KCNN2: variants seen among roughly 807,000 people sequenced by gnomAD.
KCNN2 encodes potassium calcium-activated channel subfamily N member 2, also known as small conductance calcium-activated potassium channel protein 2.
In KCNN2, 24 loss-of-function variants were observed where a neutral mutation model predicts 55.5. That is an observed-to-expected ratio of 0.43 (90% CI 0.31 to 0.61). KCNN2 has a LOEUF of 0.61. Ranked by LOEUF, KCNN2 falls within the 20% of genes least tolerant of loss-of-function variation. The pLI, the probability that KCNN2 is intolerant of heterozygous loss-of-function variation, is 0.08. For missense variants in KCNN2, 754 were observed against 853.6 expected, an observed-to-expected ratio of 0.88 and a Z score of 1.45; for synonymous variants, 431 against 336.1, an observed-to-expected ratio of 1.28 and a Z score of -3.09.
intron 2 of KCNN2, among the ~76,000 whole-genome samples, chr5:114,257,945 T>A (rs11745648): frequency 0.36 from 54,898 of 152,052 alleles, 10,638 homozygotes; most frequent in Middle Eastern, 0.54. Flanking sequence ...TGCTTCCAGC[T>A]TTTCTCCATT....
intron 1 of KCNN2, among the ~76,000 whole-genome samples, chr5:114,099,942 G>A (rs1215929156): frequency 1.3e-5 from 2 of 151,762 alleles, no homozygotes; most frequent in Non-Finnish European, 1.5e-5. Context: ...TTGTACTTTT[G>A]TATGAACTCC....
intron 1 of KCNN2, among the ~76,000 whole-genome samples, chr5:114,057,642 G>C (rs1750239953): frequency 1.3e-5 from 2 of 152,012 alleles, no homozygotes; most frequent in African/African-American, 4.8e-5. Flanking sequence ...TTCAGGTAGT[G>C]GTAGATACTA....
intron 4 of KCNN2, among the ~76,000 whole-genome samples, chr5:114,468,080 C>G (rs1439628347): frequency 1.3e-5 from 2 of 152,158 alleles, no homozygotes; most frequent in Non-Finnish European, 2.9e-5. Context: ...TCTTTTCTTA[C>G]AATGAGGACA....
At chr5:114,357,071 C>A (rs1383581483), upstream of KCNN2, among the ~76,000 whole-genome samples, 4 of 151,998 alleles carry the variant, frequency 2.6e-5, no homozygotes, top group Non-Finnish European at 5.9e-5. Context: ...CTTTGTAGGT[C>A]AAAATTTTCC....
intron 1 of KCNN2, among the ~76,000 whole-genome samples, chr5:114,176,042 T>C (rs1442510157): frequency 6.6e-6 from 1 of 152,220 alleles, no homozygotes; most frequent in East Asian, 1.9e-4. Flanking sequence ...TGTTGCCTGA[T>C]AATTTCTCAA....
intron 1 of KCNN2, among the ~76,000 whole-genome samples, chr5:114,095,811 T>A (rs1470480499): frequency 1.3e-5 from 2 of 151,186 alleles, no homozygotes; most frequent in East Asian, 1.9e-4. Context: ...CCCAATAATT[T>A]TTTTTGACTT....
intron 2 of KCNN2, among the ~76,000 whole-genome samples, chr5:114,266,833 C>A (rs1237100091): frequency 2.0e-5 from 3 of 152,156 alleles, no homozygotes; most frequent in Non-Finnish European, 2.9e-5. Flanking sequence ...CAGTTCCCAC[C>A]AGCATCTCCT....
At chr5:114,300,599 T>A (rs1756134617) in intron 2 of KCNN2, among the ~76,000 whole-genome samples, 1 of 152,204 alleles carries the variant, frequency 6.6e-6, no homozygotes, top group African/African-American at 2.4e-5. Context: ...AGAAGTTTGA[T>A]AAGAAGAAGA....
At chr5:114,167,032 C>G (rs899078584) in intron 1 of KCNN2, among the ~76,000 whole-genome samples, 1 of 152,156 alleles carries the variant, frequency 6.6e-6, no homozygotes, top group Admixed American at 6.6e-5. Flanking sequence ...TTCTGTTAAG[C>G]CATCTAGTCT....
At chr5:114,465,364 A>G (rs1399500220) in intron 4 of KCNN2, among the ~76,000 whole-genome samples, 2 of 152,142 alleles carry the variant, frequency 1.3e-5, no homozygotes, top group South Asian at 2.1e-4. Context: ...TGTAATCCCA[A>G]CACTTTGGGA....
intron 3 of KCNN2, among the ~76,000 whole-genome samples, chr5:114,405,174 T>C (rs1758893471): frequency 6.6e-6 from 1 of 152,250 alleles, no homozygotes. Flanking sequence ...AATGGTAATA[T>C]TGAGTCATTT....
intron 1 of KCNN2, among the ~76,000 whole-genome samples, chr5:114,058,178 G>T (rs1419964233): frequency 6.6e-6 from 1 of 152,114 alleles, no homozygotes; most frequent in Admixed American, 6.5e-5. Flanking sequence ...AGCTAGTGAT[G>T]AATACAAGCT....
At chr5:114,124,470 C>T (rs771970846) in intron 1 of KCNN2, among the ~76,000 whole-genome samples, 1 of 152,036 alleles carries the variant, frequency 6.6e-6, no homozygotes, top group African/African-American at 2.4e-5. Flanking sequence ...CATGATCTGC[C>T]CCCCCTGGAA....
At chr5:114,231,224 T>A in intron 2 of KCNN2, among the ~76,000 whole-genome samples, 1 of 57,384 alleles carries the variant, frequency 1.7e-5, no homozygotes, top group East Asian at 4.1e-4. Flanking sequence ...TTTTCTCCCA[T>A]GTTGTAGGTT....
intron 1 of KCNN2, among the ~76,000 whole-genome samples, chr5:114,071,777 C>T (rs1750573676): frequency 6.6e-6 from 1 of 152,098 alleles, no homozygotes; most frequent in Admixed American, 6.6e-5. Flanking sequence ...ACAAGGGATA[C>T]CACTAAGTTC....
chr5:114,380,110 A>G (rs893303067), intron 2 of KCNN2, among the ~76,000 whole-genome samples: 1 of 152,044 alleles, frequency 6.6e-6, no homozygotes, highest in African/African-American at 2.4e-5. Flanking sequence ...TATGGGTTGT[A>G]GTACAAATTA....
Position 114,308,157 on chromosome 5 carries a change from A to ATGCCACCACATGCTGGGGAT in KCNN2, c.-184-52786_-184-52767dup, listed in dbSNP as rs536684892. On this transcript the variant is annotated intron_variant, in intron 2 of 10. Coordinates refer to the KCNN2 transcript ENST00000512097. ...TTTATCACAGCTGAGAACAATTGTG[A>ATGCCACCACATGCTGGGGAT]TGCCACCACATGCTGGGGATTACCA... Among the ~76,000 whole-genome samples, 30 of 152,250 alleles carry ATGCCACCACATGCTGGGGAT rather than the reference A, an allele frequency of 2.0e-4. No homozygotes were observed. The South Asian group carries it at 3.5e-3, about 18-fold the overall frequency.
intron 1 of KCNN2, among the ~76,000 whole-genome samples, chr5:114,141,062 C>A (rs1294451246): frequency 6.6e-6 from 1 of 152,060 alleles, no homozygotes; most frequent in African/African-American, 2.4e-5. Flanking sequence ...GCTGGGATTA[C>A]AGGCATAAGC....
chr5:114,354,903 T>A (rs573249943), intron 2 of KCNN2, among the ~76,000 whole-genome samples: 2 of 152,318 alleles, frequency 1.3e-5, no homozygotes, highest in South Asian at 4.1e-4. Flanking sequence ...AAAGTGCTAA[T>A]GGATTTACAG....
Sources: gnomAD v4.1 joint callset for allele counts (sites outside exome capture counted in the v4.1 genomes callset) on GRCh38, gnomAD v4.1.1 for gene constraint, MANE v1.5 for transcripts, NCBI Gene and HGNC (gene_info 2026-07-23, HGNC 2026-07-21) for gene names.